UBE2H: variants seen among roughly 807,000 people sequenced by gnomAD.
UBE2H encodes the protein ubiquitin conjugating enzyme E2 H, also known as ubiquitin-conjugating enzyme E2 H.
Under a neutral mutation model 29.0 loss-of-function variants are expected in UBE2H, and 3 were observed. The observed-to-expected ratio is 0.10, with a 90% CI of 0.05 to 0.27. The LOEUF (loss-of-function observed/expected upper bound fraction) is 0.27, where lower values mean the gene tolerates loss of function less well. UBE2H is among the 10% of genes least tolerant of loss of function. The pLI, the probability that UBE2H is intolerant of heterozygous loss-of-function variation, is 1.00. For missense variants in UBE2H, 68 were observed against 228.2 expected (o/e 0.30, Z 4.52); for synonymous variants, 69 against 82.9 (o/e 0.83, Z 0.91).
chr7:129,894,211 T>C (rs1806555806), intron 1 of UBE2H, among the ~76,000 whole-genome samples: 1 of 152,128 alleles, frequency 6.6e-6, no homozygotes, highest in Non-Finnish European at 1.5e-5. Context: ...TCCAACATTT[T>C]AGGAGGTGAA....
intron 3 of UBE2H, among the ~76,000 whole-genome samples, chr7:129,870,526 C>T (rs1009493998): frequency 1.3e-5 from 2 of 152,112 alleles, no homozygotes; most frequent in African/African-American, 4.8e-5. Context: ...CAGTGAGCCA[C>T]GATTATGCCA....
At chr7:129,903,504 T>G (rs1393982454) in intron 1 of UBE2H, among the ~76,000 whole-genome samples, 1 of 152,220 alleles carries the variant, frequency 6.6e-6, no homozygotes, top group Admixed American at 6.5e-5. Flanking sequence ...GGCTCATGCC[T>G]GTAATCCCAA....
At chr7:129,869,087 C>T (rs1011180499) in intron 3 of UBE2H, among the ~76,000 whole-genome samples, 4 of 152,066 alleles carry the variant, frequency 2.6e-5, no homozygotes, top group Non-Finnish European at 4.4e-5. Flanking sequence ...CAGGCATGTG[C>T]CACCATGCCC....
At chr7:129,921,907 CATGAT>C (rs890223726) in intron 1 of UBE2H, among the ~76,000 whole-genome samples, 1 of 152,100 alleles carries the variant, frequency 6.6e-6, no homozygotes, top group African/African-American at 2.4e-5. Context: ...ATGGATATTA[CATGAT>C]ATAATTGAAG....
chr7:129,907,995 A>G (rs75309333), intron 1 of UBE2H, among the ~76,000 whole-genome samples: 7,298 of 152,238 alleles, frequency 0.048, 197 homozygotes, highest in South Asian at 0.13. Flanking sequence ...GAGTATTTAT[A>G]CCTCAGAAAT....
intron 5 of UBE2H, among the ~76,000 whole-genome samples, chr7:129,856,600 C>G (rs74638391): frequency 0.062 from 9,513 of 152,244 alleles, 368 homozygotes; most frequent in Non-Finnish European, 0.091. Context: ...GGTAGGAGCA[C>G]TGGAGTAGGT....
intron 1 of UBE2H, among the ~76,000 whole-genome samples, chr7:129,894,177 G>C (rs1806554964): frequency 6.6e-6 from 1 of 152,210 alleles, no homozygotes; most frequent in African/African-American, 2.4e-5. Flanking sequence ...AATGGGACCA[G>C]GTGCAGTGGC....
chr7:129,916,953 C>A (rs956104035), intron 1 of UBE2H, among the ~76,000 whole-genome samples: 2 of 150,542 alleles, frequency 1.3e-5, no homozygotes, highest in African/African-American at 2.5e-5. Flanking sequence ...AGGAGAATGG[C>A]GTGAACCTGG....
intron 1 of UBE2H, among the ~76,000 whole-genome samples, chr7:129,923,898 T>A (rs146500951): frequency 6.6e-6 from 1 of 152,230 alleles, no homozygotes; most frequent in East Asian, 1.9e-4. Flanking sequence ...CAGAAGACAT[T>A]CTTAACTAGC....
At chr7:129,935,207 G>A (rs1258138325) in intron 1 of UBE2H, among the ~76,000 whole-genome samples, 3 of 151,556 alleles carry the variant, frequency 2.0e-5, no homozygotes, top group South Asian at 2.1e-4. Context: ...GGCAGATCAC[G>A]AGGTCAGGAG....
At chr7:129,940,640 T>C (rs537842844) in intron 1 of UBE2H, among the ~76,000 whole-genome samples, 1 of 152,270 alleles carries the variant, frequency 6.6e-6, no homozygotes, top group African/African-American at 2.4e-5. Flanking sequence ...AAAAGGATCC[T>C]CCTTCCCTCT....
chr7:129,883,283 T>C lies in UBE2H; in HGVS notation c.54-2312A>G, dbSNP rs116595077. Reference sequence around the variant, plus strand: ...TTATTTTTTTAAAAATAGACACTGCTGGTGAGAGTGTGATATGGTTTCACC... The same window carrying C: ...TTATTTTTTTAAAAATAGACACTGCCGGTGAGAGTGTGATATGGTTTCACC... On this transcript the variant is annotated intron_variant, in intron 1 of 6. Transcript: ENST00000355621. Among the ~76,000 whole-genome samples, 245 of 152,366 alleles carry C rather than the reference T, an allele frequency of 1.6e-3. 1 individual carries two copies. Among genetic ancestry groups the C allele is most frequent in the African/African-American group, 5.6e-3 (233 of 41,588 alleles).
At chr7:129,914,670 C>T (rs1442307083) in intron 1 of UBE2H, among the ~76,000 whole-genome samples, 2 of 152,182 alleles carry the variant, frequency 1.3e-5, no homozygotes, top group Non-Finnish European at 2.9e-5. Flanking sequence ...CAGTAAATTA[C>T]TTATCTTCTC....
intron 5 of UBE2H, among the ~76,000 whole-genome samples, chr7:129,841,232 A>G (rs1026092066): frequency 6.6e-6 from 1 of 152,248 alleles, no homozygotes; most frequent in African/African-American, 2.4e-5. Flanking sequence ...AAAAGCAGCC[A>G]AAGTATAGGT....
chr7:129,915,263 G>A (rs554718581), intron 1 of UBE2H, among the ~76,000 whole-genome samples: 5 of 152,210 alleles, frequency 3.3e-5, no homozygotes, highest in South Asian at 2.1e-4. Context: ...ACAGCCGGGC[G>A]CGGTGTCTCA....
chr7:129,892,097 C>T (rs569036684), intron 1 of UBE2H, among the ~76,000 whole-genome samples: 122 of 151,894 alleles, frequency 8.0e-4, no homozygotes, highest in Non-Finnish European at 1.5e-3. Context: ...GGACTACAGG[C>T]GCCCGCCACC....
intron 5 of UBE2H, among the ~76,000 whole-genome samples, chr7:129,851,931 AT>A (rs979995979): frequency 6.6e-6 from 1 of 152,188 alleles, no homozygotes; most frequent in Non-Finnish European, 1.5e-5. Context: ...AACTGAGCAC[AT>A]TTCTTTATTA....
intron 5 of UBE2H, among the ~76,000 whole-genome samples, chr7:129,850,817 AAAAG>A (rs1805594692): frequency 6.6e-6 from 1 of 150,630 alleles, no homozygotes; most frequent in Admixed American, 6.6e-5. Context: ...TCTGTCTCAA[AAAAG>A]AAAGAGAGAG....
rs377278847 is a variant in UBE2H, at chr7:129,938,147, A to G, written c.53+14356T>C. On this transcript the variant is annotated intron_variant, in intron 1 of 6. Coordinates refer to ENST00000355621, the MANE Select transcript of UBE2H (RefSeq NM_003344.4). ...AATCCATGGCCAGGCACAATGGTTCACAACTGTAATCCCAGCACTTTGGAA... is the reference window on the plus strand; with the variant it reads ...AATCCATGGCCAGGCACAATGGTTCGCAACTGTAATCCCAGCACTTTGGAA... Among the ~76,000 whole-genome samples the G allele has an allele frequency of 4.9e-4, 75 of 152,280 alleles. No individual in the cohort carries two copies. The Middle Eastern group carries it at 0.014, about 28-fold the overall frequency.
Sources: gnomAD v4.1 joint callset for allele counts (sites outside exome capture counted in the v4.1 genomes callset) on GRCh38, gnomAD v4.1.1 for gene constraint, MANE v1.5 for transcripts, NCBI Gene and HGNC (gene_info 2026-07-23, HGNC 2026-07-21) for gene names.